The following DYNC1LI2 variants were observed in gnomAD, a reference collection of about 807,000 sequenced individuals.
The protein encoded by DYNC1LI2 is dynein cytoplasmic 1 light intermediate chain 2.
Under a neutral mutation model 57.8 loss-of-function variants are expected in DYNC1LI2, and 19 were observed. The observed-to-expected ratio is 0.33, with a 90% CI of 0.23 to 0.48. The LOEUF (loss-of-function observed/expected upper bound fraction) is 0.48, where lower values mean the gene tolerates loss of function less well. Among genes scored for constraint, DYNC1LI2 ranks in the 20% least tolerant of loss-of-function variants. The pLI is 0.99. For synonymous variants in DYNC1LI2, 256 were observed against 233.4 expected, an observed-to-expected ratio of 1.10 and a Z score of -0.88; for missense variants, 470 against 604.2, an observed-to-expected ratio of 0.78 and a Z score of 2.33.
chr16:66,746,692 T>C (rs1160429135), intron 3 of DYNC1LI2, among the ~76,000 whole-genome samples: 2 of 152,232 alleles, frequency 1.3e-5, no homozygotes, highest in Non-Finnish European at 2.9e-5. Flanking sequence ...CATCATGTTT[T>C]ACACTTTCAA....
chr16:66,750,324 T>C (rs1002713053), intron 2 of DYNC1LI2, among the ~76,000 whole-genome samples: 12 of 152,206 alleles, frequency 7.9e-5, no homozygotes, highest in African/African-American at 2.9e-4. Flanking sequence ...CCCATGGGAA[T>C]TGGGGGATGG....
chr16:66,730,314 T>C, intron 7 of DYNC1LI2, 91 bp from the exon 8 acceptor site: 1 of 1,076,380 alleles, frequency 9.3e-7, no homozygotes, highest in South Asian at 1.6e-5. Context: ...GGTAGGACAC[T>C]TCTCACAAGA....
At chr16:66,736,366 TTA>T in intron 4 of DYNC1LI2, 122 bp from the exon 5 acceptor site, 1 of 1,186,386 alleles carries the variant, frequency 8.4e-7, no homozygotes, top group Non-Finnish European at 1.2e-6. Context: ...GACAAACTTC[TTA>T]GTCACATCCA....
Position 66,751,192 on chromosome 16 carries a change from G to A in DYNC1LI2, c.181+81C>T. The A allele has an allele frequency of 6.8e-7, 1 of 1,473,732 alleles. No individual in the cohort carries two copies. Among genetic ancestry groups the A allele is most frequent in the Non-Finnish European group, 9.2e-7 (1 of 1,088,774 alleles). The allele number at this position is 1,473,732 out of a possible 1,614,324, so 91.3% of individuals were successfully genotyped here. On this transcript the variant is annotated intron_variant, in intron 2 of 12. Coordinates refer to ENST00000258198, the MANE Select transcript of DYNC1LI2 (RefSeq NM_006141.3). This position sits in a 1 kb window ranked among gnomAD's most constrained non-coding sequence, Gnocchi z 5.2. Reference sequence around the variant, plus strand: ...AGGCTGCGGGCAGGCGGCTGGAACGGGGAAGGCGGGGACCTGAGGGAGGGG... The same window carrying A: ...AGGCTGCGGGCAGGCGGCTGGAACGAGGAAGGCGGGGACCTGAGGGAGGGG...
intron 4 of DYNC1LI2, 117 bp downstream of exon 4, chr16:66,742,321 C>CAAACA: frequency 9.7e-7 from 1 of 1,030,570 alleles, no homozygotes; most frequent in Non-Finnish European, 1.4e-6. Flanking sequence ...ATAAATGGTG[C>CAAACA]AAACAAAACA....
At chr16:66,739,677 T>G (rs2144994520) in intron 4 of DYNC1LI2, among the ~76,000 whole-genome samples, 1 of 152,322 alleles carries the variant, frequency 6.6e-6, no homozygotes. Context: ...TTGGCCCACT[T>G]CAGCTTCCCA....
In DYNC1LI2 at chr16:66,730,097, AT is replaced by A; in HGVS notation, c.1041+14del. 2 of 1,611,196 alleles carry A rather than the reference AT, an allele frequency of 1.2e-6. No individual in the cohort carries two copies. The highest frequency in any genetic ancestry group is 1.7e-6 in the Non-Finnish European group (2 of 1,178,506). ...CGCCCGGCCCTAAACCCTTAAAGCA[AT>A]TGTCTTTGACTACCTTTCTCACGGG... On this transcript the variant is annotated intron_variant, in intron 8 of 12. Transcript: ENST00000258198.
chr16:66,740,948 C>A (rs2017825136), intron 4 of DYNC1LI2, among the ~76,000 whole-genome samples: 1 of 152,198 alleles, frequency 6.6e-6, no homozygotes, highest in African/African-American at 2.4e-5. Context: ...GCAGCTGAAT[C>A]TAATCCTAAA....
chr16:66,748,850 A>G lies in DYNC1LI2; in HGVS notation c.298+347T>C, dbSNP rs561610758. On this transcript the variant is annotated intron_variant, in intron 3 of 12. Coordinates refer to ENST00000258198, the MANE Select transcript of DYNC1LI2 (RefSeq NM_006141.3). ...CTCTACTAGAACCAGGCAGAGTAAC[A>G]ATGGTCCCCAGGACAGCCAAGCATT... 2.9e-3 allele frequency among the ~76,000 whole-genome samples: 441 copies of G among 152,334 alleles called. 1 individual carries two copies. The highest frequency in any genetic ancestry group is 9.9e-3 in the African/African-American group (410 of 41,568).
intron 4 of DYNC1LI2, among the ~76,000 whole-genome samples, chr16:66,741,895 T>C (rs969203668): frequency 2.0e-4 from 12 of 60,178 alleles, no homozygotes; most frequent in African/African-American, 8.3e-4. Context: ...TCATGTTAAT[T>C]ACAAAAAAAA....
At chr16:66,741,447 A>T (rs1282066472) in intron 4 of DYNC1LI2, among the ~76,000 whole-genome samples, 1 of 152,224 alleles carries the variant, frequency 6.6e-6, no homozygotes, top group Non-Finnish European at 1.5e-5. Flanking sequence ...ATACAATGTT[A>T]AACTCATTGT....
In DYNC1LI2 at chr16:66,736,322, CAAT is replaced by C; in HGVS notation, c.530-81_530-79del. On this transcript the variant is annotated intron_variant, in intron 4 of 12. Transcript: ENST00000258198. ...TAGCTTTAGAACACTGAAAAGAAGG[CAAT>C]AATAAGCACAAAACACAGGCAGTTG... 2.0e-6 allele frequency: 3 copies of C among 1,506,856 alleles called. No homozygotes were observed. In the South Asian group the frequency reaches 3.7e-5, roughly 18 times the overall value. The allele number at this position is 1,506,856 out of a possible 1,614,324, so 93.3% of individuals were successfully genotyped here. A position where few individuals can be genotyped will look rare whatever the true frequency, so the allele number is the denominator to read the frequency against.
intron 2 of DYNC1LI2, among the ~76,000 whole-genome samples, chr16:66,749,688 C>G (rs1257250392): frequency 6.6e-6 from 1 of 152,128 alleles, no homozygotes; most frequent in African/African-American, 2.4e-5. Context: ...AACAAGAAAT[C>G]TTCAAAATAT....
intron 12 of DYNC1LI2, among the ~76,000 whole-genome samples, chr16:66,725,373 C>T (rs1364942695): frequency 6.6e-6 from 1 of 151,738 alleles, no homozygotes; most frequent in African/African-American, 2.4e-5. Context: ...CCCAGCTACT[C>T]GGGAGGCTGA....
At chr16:66,738,328 A>G (rs2017774631) in intron 4 of DYNC1LI2, 1 of 137,538 alleles carries the variant, frequency 7.3e-6, no homozygotes, top group African/African-American at 2.8e-5. Context: ...GGCTCACTGC[A>G]TCCTCCACCT....
At chr16:66,739,112 T>C (rs1186553380) in intron 4 of DYNC1LI2, 1 of 152,144 alleles carries the variant, frequency 6.6e-6, no homozygotes, top group Non-Finnish European at 1.5e-5. Context: ...AAATATACAA[T>C]GGCTTAACTG....
chr16:66,732,515 G>A, intron 6 of DYNC1LI2, 41 bp from the exon 7 acceptor site: 3 of 1,590,692 alleles, frequency 1.9e-6, no homozygotes, highest in Non-Finnish European at 2.6e-6. Flanking sequence ...ACTGCAGGAG[G>A]AGACAAAATC....
intron 4 of DYNC1LI2, among the ~76,000 whole-genome samples, chr16:66,741,293 T>C (rs1383629521): frequency 6.6e-6 from 1 of 152,160 alleles, no homozygotes; most frequent in Non-Finnish European, 1.5e-5. Context: ...AGAGAAGTTG[T>C]CCTTAAGGGC....
chr16:66,740,701 C>A (rs1247452384), intron 4 of DYNC1LI2, among the ~76,000 whole-genome samples: 3 of 152,244 alleles, frequency 2.0e-5, no homozygotes, highest in Non-Finnish European at 4.4e-5. Context: ...ATTTCTCTTC[C>A]TCCATCCTGC....
Sources: allele counts gnomAD v4.1 joint callset (sites outside exome capture counted in the v4.1 genomes callset), GRCh38; gene constraint gnomAD v4.1.1; non-coding constraint Gnocchi (gnomAD v3.1); transcripts MANE v1.5; gene names NCBI Gene and HGNC (gene_info 2026-07-23, HGNC 2026-07-21).